The following RSPH14 variants were observed in gnomAD, a reference collection of about 807,000 sequenced individuals.
RSPH14 encodes radial spoke head 14 homolog, also known as rhabdoid tumor deletion region gene 1.
In RSPH14, 20 loss-of-function variants were observed where a neutral mutation model predicts 26.7. The ratio of observed to expected loss-of-function variants is 0.75; its 90% CI spans 0.53 to 1.09. The LOEUF (loss-of-function observed/expected upper bound fraction) is 1.09. Among genes scored for constraint, RSPH14 ranks in the 50% least tolerant of loss-of-function variants. The pLI, the probability that RSPH14 is intolerant of heterozygous loss-of-function variation, is 0.00. For synonymous variants in RSPH14, 177 were observed against 189.3 expected, an observed-to-expected ratio of 0.93 and a Z score of 0.53; for missense variants, 449 against 457.2, an observed-to-expected ratio of 0.98 and a Z score of 0.16.
chr22:23,110,738 C>T (rs558094515), intron 4 of RSPH14, among the ~76,000 whole-genome samples: 6 of 152,324 alleles, frequency 3.9e-5, no homozygotes, highest in South Asian at 2.1e-4. Context: ...AACAGCAGTG[C>T]GTCTGCAGAG....
chr22:23,142,013 G>C, upstream of RSPH14: 1 of 985,490 alleles, frequency 1.0e-6, no homozygotes, highest in Non-Finnish European at 1.2e-6. Flanking sequence ...CAGTTGCCAG[G>C]CGACATCGTT....
intron 4 of RSPH14, among the ~76,000 whole-genome samples, chr22:23,076,863 G>T (rs1173575484): frequency 6.6e-6 from 1 of 152,236 alleles, no homozygotes; most frequent in Non-Finnish European, 1.5e-5. Context: ...CAGGGCAGGG[G>T]AAGGCACCAG....
At chr22:23,095,312 C>T (rs2146314247) in intron 4 of RSPH14, 1 of 243,900 alleles carries the variant, frequency 4.1e-6, no homozygotes, top group East Asian at 1.1e-4. Flanking sequence ...CAGCGACCGG[C>T]CCTCCAACCC....
At position 23,110,846 on chromosome 22, in the gene RSPH14, G is replaced by A. The variant is rs1003148194; in HGVS notation, c.421+23180C>T. Among the ~76,000 whole-genome samples the A allele has an allele frequency of 1.4e-4, 22 of 152,310 alleles. No individual in the cohort carries two copies. The East Asian group carries it at 1.7e-3, about 12-fold the overall frequency. On this transcript the variant is annotated intron_variant, in intron 4 of 6. Transcript: ENST00000216036. ...GCTCAGTGTTGGGAAGGACCCAAGG[G>A]CCCACCACACTCTGAGGCTGGCGAG...
At chr22:23,086,402 C>T (rs920891974) in intron 4 of RSPH14, among the ~76,000 whole-genome samples, 7 of 152,242 alleles carry the variant, frequency 4.6e-5, no homozygotes, top group Non-Finnish European at 1.0e-4. Flanking sequence ...GCAAAGCACT[C>T]GGCCCAGCAG....
At chr22:23,125,278 GTGA>G (rs1226167538) in intron 4 of RSPH14, among the ~76,000 whole-genome samples, 1 of 152,066 alleles carries the variant, frequency 6.6e-6, no homozygotes, top group Non-Finnish European at 1.5e-5. Flanking sequence ...AGGTCTGGGG[GTGA>G]TGATGACTCC....
chr22:23,120,666 C>A (rs1349387617), intron 4 of RSPH14, among the ~76,000 whole-genome samples: 2 of 152,050 alleles, frequency 1.3e-5, no homozygotes, highest in Admixed American at 1.3e-4. Context: ...CTTGTCCCCT[C>A]ACCCTTGAAC....
chr22:23,166,172 AAAAAAGG>A, the RSPH14 span, among the ~76,000 whole-genome samples: 5 of 146,202 alleles, frequency 3.4e-5, no homozygotes, highest in African/African-American at 1.3e-4. Context: ...AAAAAAAAAA[AAAAAAGG>A]AGTGTTTCCA....
At chr22:23,151,473 A>G in the RSPH14 span, among the ~76,000 whole-genome samples, 4 of 152,246 alleles carry the variant, frequency 2.6e-5, no homozygotes, top group African/African-American at 9.6e-5. Context: ...CAGGTGACAC[A>G]GTGGTGCCCT....
chr22:23,173,266 C>G, the RSPH14 span, among the ~76,000 whole-genome samples: 1 of 152,026 alleles, frequency 6.6e-6, no homozygotes, highest in African/African-American at 2.4e-5. Flanking sequence ...TCCCAAATAG[C>G]TGGGACTACA....
rs1170791635 is a variant in RSPH14, at chr22:23,071,984, T to A, written c.422-7851A>T. Among the ~76,000 whole-genome samples, 3 of 152,098 alleles carry A rather than the reference T, an allele frequency of 2.0e-5. No homozygotes were observed. The highest frequency in any genetic ancestry group is 4.4e-5 in the Non-Finnish European group (3 of 68,002). On this transcript the variant is annotated intron_variant, in intron 4 of 6. Transcript: ENST00000216036. The surrounding 1 kb of genome is among the most constrained non-coding windows in gnomAD (Gnocchi z 4.1). ...GAAGTGGAATGACCCCACTGCTGGT[T>A]AACTGTGGCTATGGTGGAGACCACG...
the RSPH14 span, among the ~76,000 whole-genome samples, chr22:23,167,507 GCAGGATC>G: frequency 2.0e-5 from 3 of 152,112 alleles, no homozygotes; most frequent in Admixed American, 2.0e-4. Flanking sequence ...GAGGAGGCCA[GCAGGATC>G]CATTCGACTC....
chr22:23,142,834 A>G (rs576371729), upstream of RSPH14, among the ~76,000 whole-genome samples: 20 of 152,226 alleles, frequency 1.3e-4, no homozygotes, highest in Non-Finnish European at 1.6e-4. Context: ...ATGGCTCCCC[A>G]CTAGTCTCAG....
intron 4 of RSPH14, among the ~76,000 whole-genome samples, chr22:23,115,058 C>T (rs959564284): frequency 6.6e-6 from 1 of 152,038 alleles, no homozygotes; most frequent in Non-Finnish European, 1.5e-5. Context: ...GGTTTGAGGC[C>T]CCTAGTTGGG....
chr22:23,171,583 C>T, the RSPH14 span, among the ~76,000 whole-genome samples: 2 of 152,088 alleles, frequency 1.3e-5, no homozygotes, highest in African/African-American at 4.8e-5. Flanking sequence ...GTGGCTCACA[C>T]CTGTAATCCC....
In RSPH14 at chr22:23,125,937, A is replaced by G. The variant is rs114730696; in HGVS notation, c.421+8089T>C. Among the ~76,000 whole-genome samples the G allele has an allele frequency of 3.3e-3, 504 of 152,294 alleles. 3 individuals carry two copies. The highest frequency in any genetic ancestry group is 0.011 in the African/African-American group (475 of 41,566). On this transcript the variant is annotated intron_variant, in intron 4 of 6. Coordinates refer to ENST00000216036, the MANE Select transcript of RSPH14 (RefSeq NM_014433.3). ...CACACGCATGCATGCACACAAGCACATGCACACACGCGCAGATACGCACGC... is the reference window on the plus strand; with the variant it reads ...CACACGCATGCATGCACACAAGCACGTGCACACACGCGCAGATACGCACGC...
intron 4 of RSPH14, among the ~76,000 whole-genome samples, chr22:23,129,051 A>G (rs564543461): frequency 2.0e-5 from 3 of 152,266 alleles, no homozygotes; most frequent in African/African-American, 7.2e-5. Flanking sequence ...AGGTGATGGT[A>G]CTGCCCAAGG....
chr22:23,101,827 A>G (rs546320512), intron 4 of RSPH14, among the ~76,000 whole-genome samples: 2 of 152,280 alleles, frequency 1.3e-5, no homozygotes, highest in African/African-American at 4.8e-5. Context: ...GAGGCTCCAC[A>G]GGGGTGGGAG....
At position 23,063,936 on chromosome 22, in the gene RSPH14, G is replaced by A. The variant is rs370735019; in HGVS notation, c.619C>T (p.Arg207Cys). 85 of 1,614,188 alleles carry A rather than the reference G, an allele frequency of 5.3e-5. 1 individual carries two copies. In the South Asian group the frequency reaches 5.8e-4, roughly 11 times the overall value. Residue 207 changes from arginine to cysteine, a missense_variant, in exon 5 of 7, where the codon CGC becomes TGC. Physicochemically the swap from Arg to Cys is radical, Grantham distance 180. Transcript: ENST00000216036. Reference sequence around the variant, plus strand: ...AGGAGCGCACGGGCGGCCTTGCTGCGGATGTTCTGGTTGGCGCTGAGGAGC... The same window carrying A: ...AGGAGCGCACGGGCGGCCTTGCTGCAGATGTTCTGGTTGGCGCTGAGGAGC... Reference protein sequence around the residue: ...QKLLSANQNIRSKAARALLNV... With the variant: ...QKLLSANQNICSKAARALLNV...
Sources: allele counts gnomAD v4.1 joint callset (sites outside exome capture counted in the v4.1 genomes callset), GRCh38; gene constraint gnomAD v4.1.1; non-coding constraint Gnocchi (gnomAD v3.1); transcripts MANE v1.5; gene names NCBI Gene and HGNC (gene_info 2026-07-23, HGNC 2026-07-21).